Variants in RBMS1 observed in about 807,000 individuals in gnomAD.
RBMS1 encodes RNA binding motif single stranded interacting protein 1.
A neutral mutation model predicts 62.3 loss-of-function variants in RBMS1; 17 were observed. That is an observed-to-expected ratio of 0.27 (90% CI 0.19 to 0.41). The LOEUF is 0.41. Ranked by LOEUF, RBMS1 falls within the 10% of genes least tolerant of loss-of-function variation. RBMS1 has a pLI of 1.00. For missense variants in RBMS1, 334 were observed against 504.5 expected, an observed-to-expected ratio of 0.66 and a Z score of 3.24; for synonymous variants, 172 against 170.0, an observed-to-expected ratio of 1.01 and a Z score of -0.09.
At chr2:160,306,128 CGTGTGTGTGT>C (rs60939006) in intron 4 of RBMS1, among the ~76,000 whole-genome samples, 33 of 149,926 alleles carry the variant, frequency 2.2e-4, no homozygotes, top group Middle Eastern at 3.5e-3. Context: ...TTGTTTCTCT[CGTGTGTGTGT>C]GTGTGTGTGT....
chr2:160,407,549 G>A (rs897192551), intron 1 of RBMS1: 5 of 985,228 alleles, frequency 5.1e-6, no homozygotes. Flanking sequence ...GGGCGGCGGC[G>A]GCGGGTGCGG....
chr2:160,377,514 T>A (rs1694064660), intron 1 of RBMS1, among the ~76,000 whole-genome samples: 1 of 152,316 alleles, frequency 6.6e-6, no homozygotes, highest in African/African-American at 2.4e-5. Context: ...TGTGAATGAA[T>A]TTGGGAAGGG....
At chr2:160,374,986 C>T (rs1693921052) in intron 1 of RBMS1, among the ~76,000 whole-genome samples, 1 of 152,074 alleles carries the variant, frequency 6.6e-6, no homozygotes. Context: ...TATCCAGATT[C>T]AAGTTTTGTC....
chr2:160,345,894 G>C (rs974422153), intron 2 of RBMS1, among the ~76,000 whole-genome samples: 1 of 152,128 alleles, frequency 6.6e-6, no homozygotes, highest in African/African-American at 2.4e-5. Context: ...CACTGTAACA[G>C]TCCAGGCTAT....
intron 2 of RBMS1, among the ~76,000 whole-genome samples, chr2:160,364,924 G>A (rs926881535): frequency 6.6e-6 from 1 of 152,090 alleles, no homozygotes; most frequent in Admixed American, 6.5e-5. Context: ...TTAGTTCTAA[G>A]TATTTCTTTT....
At chr2:160,359,166 T>G (rs572152789) in intron 2 of RBMS1, among the ~76,000 whole-genome samples, 1 of 152,046 alleles carries the variant, frequency 6.6e-6, no homozygotes. Flanking sequence ...AAGGGTAAAT[T>G]ATATCTTAAA....
chr2:160,287,158 T>C lies in RBMS1; in HGVS notation c.641-74A>G, dbSNP rs1196393352. The C allele has an allele frequency of 8.7e-5, 138 of 1,580,756 alleles. 1 individual carries two copies. In the East Asian group the frequency reaches 3.0e-3, roughly 34 times the overall value. Reference sequence around the variant, plus strand: ...TGGATGACAAAATGTATTACAAAAATAGGAATAGTGTTCACGCTATTAGAA... The same window carrying C: ...TGGATGACAAAATGTATTACAAAAACAGGAATAGTGTTCACGCTATTAGAA... On this transcript the variant is annotated intron_variant, in intron 6 of 13. Coordinates refer to ENST00000348849, the MANE Select transcript of RBMS1 (RefSeq NM_016836.4).
chr2:160,317,434 A>G (rs539435065), intron 3 of RBMS1, among the ~76,000 whole-genome samples: 2 of 152,284 alleles, frequency 1.3e-5, no homozygotes, highest in South Asian at 4.1e-4. Context: ...TTTCCTAGAA[A>G]TCACATGCCT....
At chr2:160,467,819 TA>T (rs1461950963) in intron 1 of RBMS1, among the ~76,000 whole-genome samples, 8 of 152,042 alleles carry the variant, frequency 5.3e-5, no homozygotes, top group Non-Finnish European at 8.8e-5. Flanking sequence ...AGGGAAGGGC[TA>T]ACAAGAAATA....
At chr2:160,307,483 A>C (rs1221140061) in intron 4 of RBMS1, among the ~76,000 whole-genome samples, 2 of 152,014 alleles carry the variant, frequency 1.3e-5, no homozygotes, top group Non-Finnish European at 1.5e-5. Flanking sequence ...TTGCTAATAG[A>C]TATAAACAAT....
At chr2:160,438,989 C>T (rs1445035533) in intron 1 of RBMS1, among the ~76,000 whole-genome samples, 4 of 149,654 alleles carry the variant, frequency 2.7e-5, no homozygotes, top group African/African-American at 9.9e-5. Flanking sequence ...CCTCACCTCC[C>T]GGACGGGGCG....
At chr2:160,487,822 T>C (rs1252565073) in intron 1 of RBMS1, among the ~76,000 whole-genome samples, 1 of 152,238 alleles carries the variant, frequency 6.6e-6, no homozygotes, top group Non-Finnish European at 1.5e-5. Flanking sequence ...AGAATAACAA[T>C]GCTTAATTTT....
At chr2:160,400,363 T>C (rs1453654652) in intron 1 of RBMS1, among the ~76,000 whole-genome samples, 1 of 146,234 alleles carries the variant, frequency 6.8e-6, no homozygotes, top group Admixed American at 6.8e-5. Context: ...CAAACATATA[T>C]ATGAGGAAAA....
intron 3 of RBMS1, among the ~76,000 whole-genome samples, chr2:160,313,704 T>C (rs1380458728): frequency 7.2e-5 from 11 of 152,232 alleles, no homozygotes. Flanking sequence ...GATAAACTTG[T>C]ATTTTTAAAA....
chr2:160,384,442 A>T (rs1285336875), intron 1 of RBMS1, among the ~76,000 whole-genome samples: 1 of 152,230 alleles, frequency 6.6e-6, no homozygotes, highest in Non-Finnish European at 1.5e-5. Context: ...ATCTTTAGTG[A>T]TAACTATTAT....
intron 1 of RBMS1, among the ~76,000 whole-genome samples, chr2:160,405,942 A>C (rs1265028732): frequency 6.6e-6 from 1 of 152,164 alleles, no homozygotes; most frequent in Non-Finnish European, 1.5e-5. Context: ...GGGAATGTTT[A>C]TTGTAAATTG....
chr2:160,303,178 G>T, intron 5 of RBMS1, 152 bp downstream of exon 5: 1 of 677,616 alleles, frequency 1.5e-6, no homozygotes, highest in Non-Finnish European at 2.3e-6. Flanking sequence ...CTGGAAAAAT[G>T]CAGTCTGGTA....
chr2:160,404,382 TC>T (rs1215883679), intron 1 of RBMS1, among the ~76,000 whole-genome samples: 1 of 152,114 alleles, frequency 6.6e-6, no homozygotes, highest in Non-Finnish European at 1.5e-5. Flanking sequence ...ACTAGCTCAC[TC>T]CTACACAGTC....
At chr2:160,417,802 T>A (rs557742528) in intron 1 of RBMS1, among the ~76,000 whole-genome samples, 1 of 152,348 alleles carries the variant, frequency 6.6e-6, no homozygotes, top group South Asian at 2.1e-4. Context: ...TAGAAAAATA[T>A]TTGTCAAACA....
Sources: allele counts gnomAD v4.1 joint callset (sites outside exome capture counted in the v4.1 genomes callset), GRCh38; gene constraint gnomAD v4.1.1; transcripts MANE v1.5; gene names NCBI Gene and HGNC (gene_info 2026-07-23, HGNC 2026-07-21).